The following KNTC1 variants were observed in gnomAD, a reference collection of about 807,000 sequenced individuals.
The protein encoded by KNTC1 is kinetochore-associated protein 1.
A neutral mutation model predicts 314.4 loss-of-function variants in KNTC1; 253 were observed. The ratio of observed to expected loss-of-function variants is 0.80; its 90% CI spans 0.73 to 0.89. The LOEUF is 0.89. Ranked by LOEUF, KNTC1 falls within the 40% of genes least tolerant of loss-of-function variation. The pLI, the probability that KNTC1 is intolerant of heterozygous loss-of-function variation, is 0.00. For missense variants in KNTC1, 2,475 were observed against 2,572.9 expected, an observed-to-expected ratio of 0.96 and a Z score of 0.82; for synonymous variants, 901 against 901.4, an observed-to-expected ratio of 1.00 and a Z score of 0.01.
At chr12:122,586,371 C>T (rs893784438) in intron 37 of KNTC1, among the ~76,000 whole-genome samples, 9 of 152,182 alleles carry the variant, frequency 5.9e-5, no homozygotes, top group South Asian at 4.1e-4. Flanking sequence ...CGTGAGCCAC[C>T]GCGCCCGGCC....
intron 52 of KNTC1, among the ~76,000 whole-genome samples, chr12:122,609,786 A>G (rs986582831): frequency 1.3e-5 from 2 of 152,112 alleles, no homozygotes; most frequent in Admixed American, 1.3e-4. Flanking sequence ...GGGCCACCAG[A>G]TTCTTTTTGC....
At chr12:122,543,504 A>G (rs1962509213) in intron 6 of KNTC1, 96 bp from the exon 7 acceptor site, 1 of 897,086 alleles carries the variant, frequency 1.1e-6, no homozygotes, top group East Asian at 2.8e-5. Context: ...TCTTTGAACT[A>G]GATTGTATTT....
intron 40 of KNTC1, 59 bp from the exon 41 acceptor site, chr12:122,590,548 A>G (rs1278454465): frequency 2.0e-6 from 3 of 1,483,654 alleles, no homozygotes; most frequent in Non-Finnish European, 2.7e-6. Context: ...CTTTGTGAAC[A>G]AAGTTAATTC....
At chr12:122,586,458 T>A (rs1869314424) in intron 37 of KNTC1, among the ~76,000 whole-genome samples, 1 of 152,212 alleles carries the variant, frequency 6.6e-6, no homozygotes, top group South Asian at 2.1e-4. Flanking sequence ...ACCTGTGCAT[T>A]TTCCTGTGTA....
At chr12:122,535,254 TG>T (rs1383759749) in intron 3 of KNTC1, among the ~76,000 whole-genome samples, 2 of 152,214 alleles carry the variant, frequency 1.3e-5, no homozygotes, top group Non-Finnish European at 2.9e-5. Flanking sequence ...CTGGGCGTGG[TG>T]GCTCATGCCT....
intron 42 of KNTC1, among the ~76,000 whole-genome samples, chr12:122,592,366 C>T (rs566112591): frequency 2.6e-5 from 4 of 152,338 alleles, no homozygotes; most frequent in South Asian, 2.1e-4. Context: ...CCATGCTCCA[C>T]GGCGCCCAGT....
At chr12:122,570,842 A>AT (rs1343460477) in intron 22 of KNTC1, 34 bp from the exon 23 acceptor site, 2 of 1,354,846 alleles carry the variant, frequency 1.5e-6, no homozygotes, top group South Asian at 2.6e-5. Context: ...GTGATTATCC[A>AT]TTAAGAATTT....
chr12:122,527,588 A>C (rs1960811353), intron 1 of KNTC1: 1 of 152,292 alleles, frequency 6.6e-6, no homozygotes, highest in Admixed American at 6.5e-5. Flanking sequence ...TTCCGCCGCC[A>C]GAGTGATCTC....
At chr12:122,538,481 C>A in intron 4 of KNTC1, 27 bp downstream of exon 4, 1 of 1,233,662 alleles carries the variant, frequency 8.1e-7, no homozygotes, top group Non-Finnish European at 1.1e-6. Flanking sequence ...TTTTAATTTT[C>A]ATTATTTAAA....
chr12:122,580,865 A>G (rs537227812), intron 33 of KNTC1, among the ~76,000 whole-genome samples, 195 bp downstream of exon 33: 4 of 152,148 alleles, frequency 2.6e-5, no homozygotes, highest in Non-Finnish European at 4.4e-5. Context: ...CGTCTCTACT[A>G]AAAATACAAA....
intron 19 of KNTC1, 89 bp from the exon 20 acceptor site, chr12:122,562,549 G>A (rs994140254): frequency 3.6e-6 from 3 of 826,182 alleles, no homozygotes; most frequent in Non-Finnish European, 6.0e-6. Flanking sequence ...AATGTGTATA[G>A]ACATGTGAAA....
chr12:122,574,292 A>G lies in KNTC1; in HGVS notation c.2294A>G (p.Asn765Ser), dbSNP rs1555229328. The G allele has an allele frequency of 1.9e-6, 3 of 1,600,062 alleles. No individual in the cohort carries two copies. Among genetic ancestry groups the G allele is most frequent in the Non-Finnish European group, 2.6e-6 (3 of 1,171,330 alleles). ...TTTATCCCTTTTTAGGATTTACTGA[A>G]TAGATGCAGCTCAAAGTCCACATCA... ...LLLLYIEDLL[N>S]RCSSKSTSLF... The change falls in exon 27 of 64, where the codon AAT becomes AGT. Residue 765 changes from asparagine (N) to serine (S), a missense_variant. Coordinates refer to ENST00000333479, the MANE Select transcript of KNTC1 (RefSeq NM_014708.6).
rs369193721 is a variant in KNTC1 at position 122,585,792 on chromosome 12, C to T, written c.3673+18C>T. ...TCTAGCTGGTAAGTCTTATTTGTAT[C>T]ATTATTTTCTATGTGTTTCTGTCTT... On this transcript the variant is annotated intron_variant, in intron 37 of 63. Transcript: ENST00000333479. The T allele has an allele frequency of 6.2e-7, 1 of 1,610,338 alleles. No individual in the cohort carries two copies. The highest frequency in any genetic ancestry group is 8.5e-7 in the Non-Finnish European group (1 of 1,176,828).
chr12:122,618,668 T>G (rs1874064937), intron 59 of KNTC1, 123 bp downstream of exon 59: 1 of 752,948 alleles, frequency 1.3e-6, no homozygotes, highest in African/African-American at 1.8e-5. Flanking sequence ...CACGTGTTTG[T>G]TGTTGTTGTT....
intron 51 of KNTC1, among the ~76,000 whole-genome samples, chr12:122,607,381 T>C (rs1297551139): frequency 1.3e-5 from 2 of 152,238 alleles, no homozygotes; most frequent in Non-Finnish European, 2.9e-5. Flanking sequence ...TGTTTTAATC[T>C]GTAACAGTTC....
intron 22 of KNTC1, among the ~76,000 whole-genome samples, chr12:122,570,421 G>A (rs1235906609): frequency 6.6e-6 from 1 of 151,530 alleles, no homozygotes; most frequent in East Asian, 1.9e-4. Flanking sequence ...GGAGTCTGAG[G>A]CAGTAGAATT....
chr12:122,595,078 G>A (rs1174440337), intron 43 of KNTC1, among the ~76,000 whole-genome samples: 1 of 152,150 alleles, frequency 6.6e-6, no homozygotes, highest in African/African-American at 2.4e-5. Context: ...GTTTCACCAT[G>A]TTGGCCAGGC....
At chr12:122,562,036 A>G (rs1253590863) in intron 19 of KNTC1, 62 bp downstream of exon 19, 17 of 1,496,268 alleles carry the variant, frequency 1.1e-5, no homozygotes, top group Admixed American at 4.1e-5. Context: ...TATGTTTTCC[A>G]TTCAAAATAG....
intron 57 of KNTC1, among the ~76,000 whole-genome samples, chr12:122,618,064 C>T (rs891757285): frequency 1.3e-5 from 2 of 152,160 alleles, no homozygotes; most frequent in African/African-American, 2.4e-5. Flanking sequence ...CTCCGCCTCC[C>T]GGGTTCAAGC....
Sources: allele counts gnomAD v4.1 joint callset (sites outside exome capture counted in the v4.1 genomes callset), GRCh38; gene constraint gnomAD v4.1.1; transcripts MANE v1.5; gene names NCBI Gene and HGNC (gene_info 2026-07-23, HGNC 2026-07-21).